The following RTN1 variants were observed in gnomAD, a reference collection of about 807,000 sequenced individuals.
RTN1 encodes the protein reticulon 1, also known as reticulon-1.
In RTN1, 25 loss-of-function variants were observed where a neutral mutation model predicts 65.5. The observed-to-expected ratio is 0.38, with a 90% CI of 0.28 to 0.53. The LOEUF is 0.53. RTN1 is among the 20% of genes least tolerant of loss of function. The probability of loss-of-function intolerance (pLI) is 0.79; values close to 1 mark genes in which losing one functional copy is unlikely to be tolerated. For missense variants in RTN1, 983 were observed against 1,025.4 expected, an observed-to-expected ratio of 0.96 and a Z score of 0.57; for synonymous variants, 471 against 447.6, an observed-to-expected ratio of 1.05 and a Z score of -0.66.
chr14:59,679,927 T>C (rs1049089600), intron 3 of RTN1, among the ~76,000 whole-genome samples: 9 of 152,166 alleles, frequency 5.9e-5, no homozygotes, highest in African/African-American at 1.7e-4. Flanking sequence ...TTTAAAAAAA[T>C]AGAACTTCTT....
At position 59,777,818 on chromosome 14, in the gene RTN1, AC is replaced by A. The variant is rs1258130029; in HGVS notation, c.242-31338del. The stretch of plus-strand genomic sequence containing the variant: ...AGACAAAACAACAACAACAACAACA[AC>A]AACAAAAAAAAAAAACAAAACAACA... On this transcript the variant is annotated intron_variant, in intron 1 of 8. Transcript: ENST00000267484. Among the ~76,000 whole-genome samples the A allele has an allele frequency of 6.4e-5, 7 of 109,256 alleles. No homozygotes were observed. The East Asian group carries it at 1.4e-3, about 22-fold the overall frequency. The allele number at this position is 109,256 out of a possible 152,430, so 71.7% of individuals were successfully genotyped here.
rs140861830 is a variant in RTN1 at position 59,694,507 on chromosome 14, C to T, written c.1765+32412G>A. Among the ~76,000 whole-genome samples the T allele has an allele frequency of 2.1e-4, 32 of 152,238 alleles. 2 individuals are homozygous for T. In the East Asian group the frequency reaches 5.8e-3, roughly 28 times the overall value. ...TATATAACAAAGCATAATTAAATAT[C>T]GTTTTCAAGAAACATGAATTGCAGG... On this transcript the variant is annotated intron_variant, in intron 3 of 8. Coordinates refer to ENST00000267484, the MANE Select transcript of RTN1 (RefSeq NM_021136.3).
chr14:59,759,096 G>T (rs1472531491), intron 1 of RTN1, among the ~76,000 whole-genome samples: 5 of 152,096 alleles, frequency 3.3e-5, no homozygotes, highest in African/African-American at 1.2e-4. Context: ...CATATATCCT[G>T]ATTCATCTTT....
intron 1 of RTN1, among the ~76,000 whole-genome samples, chr14:59,860,245 G>A (rs1396620571): frequency 6.6e-6 from 1 of 152,200 alleles, no homozygotes; most frequent in African/African-American, 2.4e-5. Context: ...CTGCTTCTCA[G>A]CCACTCCAGC....
At chr14:59,783,300 G>A (rs1401959309) in intron 1 of RTN1, among the ~76,000 whole-genome samples, 1 of 152,142 alleles carries the variant, frequency 6.6e-6, no homozygotes, top group Non-Finnish European at 1.5e-5. Flanking sequence ...GTGGGGTGGG[G>A]CGTAGAGAGG....
chr14:59,618,857 T>C (rs368225414), intron 3 of RTN1, among the ~76,000 whole-genome samples: 1 of 152,370 alleles, frequency 6.6e-6, no homozygotes, highest in African/African-American at 2.4e-5. Context: ...TAAACAGTTA[T>C]TGATCACCTA....
intron 3 of RTN1, among the ~76,000 whole-genome samples, chr14:59,636,677 T>G (rs1177941992): frequency 1.3e-5 from 2 of 152,246 alleles, no homozygotes; most frequent in Non-Finnish European, 2.9e-5. Context: ...ACCTTAGAGA[T>G]ATTGTGGGTT....
In RTN1 at chr14:59,688,141, C is replaced by T. The variant is rs114240375; in HGVS notation, c.1765+38778G>A. On this transcript the variant is annotated intron_variant, in intron 3 of 8. Transcript: ENST00000267484. Reference sequence around the variant, plus strand: ...CTCTCTACTCGATGCTCAGGCAGATCTCCAGGCATTCAAAGCACCTGTTCT... The same window carrying T: ...CTCTCTACTCGATGCTCAGGCAGATTTCCAGGCATTCAAAGCACCTGTTCT... 6.9e-3 allele frequency among the ~76,000 whole-genome samples: 1,052 copies of T among 152,282 alleles called. 10 individuals carry two copies. Among genetic ancestry groups the T allele is most frequent in the African/African-American group, 0.024 (1,002 of 41,556 alleles).
chr14:59,869,507 G>A (rs920222010), intron 1 of RTN1, among the ~76,000 whole-genome samples: 1 of 150,674 alleles, frequency 6.6e-6, no homozygotes, highest in African/African-American at 2.4e-5. Context: ...GGCTCCCGCT[G>A]GACACTGGCG....
chr14:59,731,296 G>A (rs954471218), intron 2 of RTN1, among the ~76,000 whole-genome samples: 1 of 152,112 alleles, frequency 6.6e-6, no homozygotes, highest in African/African-American at 2.4e-5. Flanking sequence ...TCCAGAATAA[G>A]TAAATTTATA....
At chr14:59,619,362 A>G (rs993108860) in intron 3 of RTN1, among the ~76,000 whole-genome samples, 8 of 152,224 alleles carry the variant, frequency 5.3e-5, no homozygotes, top group African/African-American at 1.9e-4. Context: ...GGCAGAGATG[A>G]GATCAGAGAT....
intron 2 of RTN1, among the ~76,000 whole-genome samples, chr14:59,743,298 T>C (rs73313708): frequency 0.035 from 5,404 of 152,302 alleles, 279 homozygotes; most frequent in African/African-American, 0.11. Context: ...CTTTGCAAAC[T>C]GTAATTTTTA....
chr14:59,782,975 A>T (rs994523424), intron 1 of RTN1, among the ~76,000 whole-genome samples: 7 of 152,160 alleles, frequency 4.6e-5, no homozygotes, highest in Non-Finnish European at 1.0e-4. Flanking sequence ...TTGACTCCCC[A>T]CGCTGTGCTA....
intron 3 of RTN1, among the ~76,000 whole-genome samples, chr14:59,671,314 G>C (rs930754135): frequency 2.6e-5 from 4 of 152,056 alleles, no homozygotes; most frequent in African/African-American, 9.7e-5. Context: ...TTAGCTATAG[G>C]CCCACGATCC....
chr14:59,780,563 G>C (rs960352848), intron 1 of RTN1, among the ~76,000 whole-genome samples: 1 of 152,184 alleles, frequency 6.6e-6, no homozygotes, highest in Non-Finnish European at 1.5e-5. Context: ...CATTTTAAGT[G>C]AATTAAGAAG....
intron 1 of RTN1, among the ~76,000 whole-genome samples, chr14:59,756,913 T>C (rs113664358): frequency 0.016 from 2,375 of 150,214 alleles, 61 homozygotes; most frequent in African/African-American, 0.056. Context: ...AGCCTTGACC[T>C]CCTGGGTTCA....
intron 1 of RTN1, among the ~76,000 whole-genome samples, chr14:59,798,682 G>A (rs564280191): frequency 5.9e-5 from 9 of 151,948 alleles, no homozygotes; most frequent in African/African-American, 1.5e-4. Context: ...CATTGGGCCC[G>A]CCTGGATAAT....
At chr14:59,763,120 T>C (rs1885780583) in intron 1 of RTN1, among the ~76,000 whole-genome samples, 1 of 152,222 alleles carries the variant, frequency 6.6e-6, no homozygotes. Context: ...GCAAACACTT[T>C]GATTTAACTA....
intron 3 of RTN1, among the ~76,000 whole-genome samples, chr14:59,707,027 C>T (rs1167686952): frequency 1.3e-5 from 2 of 152,200 alleles, no homozygotes; most frequent in African/African-American, 4.8e-5. Context: ...GAATCAGACA[C>T]ATACAGGTGT....
Sources: allele counts gnomAD v4.1 joint callset (sites outside exome capture counted in the v4.1 genomes callset), GRCh38; gene constraint gnomAD v4.1.1; transcripts MANE v1.5; gene names NCBI Gene and HGNC (gene_info 2026-07-23, HGNC 2026-07-21).